The following MFAP1 variants were observed in gnomAD, a reference collection of about 807,000 sequenced individuals.
MFAP1 encodes the protein microfibril associated protein 1, also known as microfibrillar-associated protein 1.
A neutral mutation model predicts 62.2 loss-of-function variants in MFAP1; 18 were observed. The observed-to-expected ratio is 0.29, with a 90% CI of 0.20 to 0.43. MFAP1 has a LOEUF of 0.43. MFAP1 is among the 20% of genes least tolerant of loss of function. The pLI is 1.00. For missense variants in MFAP1, 355 were observed against 559.7 expected (o/e 0.63, Z 3.69); for synonymous variants, 175 against 180.4 (o/e 0.97, Z 0.24).
Position 43,805,483 on chromosome 15 carries a change from TATCA to T in MFAP1, c.1048-22_1048-19del, listed in dbSNP as rs757735827. 8 of 1,591,534 alleles carry T rather than the reference TATCA, an allele frequency of 5.0e-6. No individual in the cohort carries two copies. Among genetic ancestry groups the T allele is most frequent in the Non-Finnish European group, 6.8e-6 (8 of 1,171,684 alleles). ...TCCTCATCCTGTATAAAAAAAATCTTATCAATCTTGTGGCTTTATTTCCTATATA... is the reference window on the plus strand; with the variant it reads ...TCCTCATCCTGTATAAAAAAAATCTTATCTTGTGGCTTTATTTCCTATATA... On this transcript the variant is annotated intron_variant, in intron 7 of 8. Coordinates refer to ENST00000267812, the MANE Select transcript of MFAP1 (RefSeq NM_005926.3).
intron 6 of MFAP1, 120 bp from the exon 7 acceptor site, chr15:43,810,034 G>T (rs2087389372): frequency 2.5e-6 from 3 of 1,200,180 alleles, no homozygotes; most frequent in Admixed American, 4.4e-5. Flanking sequence ...TCTAGTCATT[G>T]CCTATTAGGA....
chr15:43,813,701 G>A (rs2087417300), intron 4 of MFAP1, among the ~76,000 whole-genome samples: 3 of 151,656 alleles, frequency 2.0e-5, no homozygotes, highest in Admixed American at 2.0e-4. Context: ...TAGTAGAGAT[G>A]GGGTTTCACC....
Position 43,805,429 on chromosome 15 carries a change from C to T in MFAP1, c.1084G>A (p.Ala362Thr), listed in dbSNP as rs765387916. The T allele has an allele frequency of 5.6e-6, 9 of 1,613,614 alleles. No homozygotes were observed. The highest frequency in any genetic ancestry group is 1.3e-5 in the African/African-American group (1 of 74,970). ...DEEVYKRDFSAPTLEDHFNKT... is the reference protein window; with the variant it reads ...DEEVYKRDFSTPTLEDHFNKT... ...TTGAAATGATCCTCCAGGGTAGGAG[C>T]GCTGAAATCTCTCTTGTATACTTCT... The change falls in exon 8 of 9, where the codon GCT becomes ACT. Residue 362 changes from alanine (A) to threonine (T), a missense_variant. Coordinates refer to ENST00000267812, the MANE Select transcript of MFAP1 (RefSeq NM_005926.3).
At chr15:43,811,510 CTTTTTTTT>C (rs373931995) in intron 6 of MFAP1, among the ~76,000 whole-genome samples, 110 of 134,592 alleles carry the variant, frequency 8.2e-4, no homozygotes, top group African/African-American at 2.7e-3. Flanking sequence ...TTCTTTTTTT[CTTTTTTTT>C]TTTTTTCCAG....
intron 1 of MFAP1, 89 bp downstream of exon 1, chr15:43,824,402 G>T (rs1433081819): frequency 7.7e-7 from 1 of 1,300,810 alleles, no homozygotes; most frequent in African/African-American, 1.5e-5. Flanking sequence ...AGCTGGCGGG[G>T]TTGGAGTGGT....
intron 1 of MFAP1, among the ~76,000 whole-genome samples, chr15:43,822,995 C>T (rs1412056026): frequency 6.6e-6 from 1 of 151,362 alleles, no homozygotes; most frequent in East Asian, 2.0e-4. Flanking sequence ...CCTGCCACCA[C>T]ACCTGGCTAA....
At chr15:43,814,169 G>C (rs992767778) in intron 4 of MFAP1, among the ~76,000 whole-genome samples, 7 of 152,146 alleles carry the variant, frequency 4.6e-5, no homozygotes, top group African/African-American at 1.7e-4. Flanking sequence ...AGAACTGCTT[G>C]AAACCAGGAG....
intron 1 of MFAP1, 48 bp downstream of exon 1, chr15:43,824,443 G>A: frequency 2.5e-6 from 4 of 1,598,746 alleles, no homozygotes; most frequent in Non-Finnish European, 3.4e-6. Flanking sequence ...GGTTGCTGGG[G>A]CCGGAAGGGG....
intron 2 of MFAP1, among the ~76,000 whole-genome samples, chr15:43,816,233 T>C (rs2087432891): frequency 7.1e-6 from 1 of 141,352 alleles, no homozygotes; most frequent in African/African-American, 2.5e-5. Flanking sequence ...ATTTTATTTT[T>C]TTTTCTTTTT....
At chr15:43,816,693 T>G (rs1361560834) in intron 2 of MFAP1, among the ~76,000 whole-genome samples, 1 of 152,180 alleles carries the variant, frequency 6.6e-6, no homozygotes, top group African/African-American at 2.4e-5. Flanking sequence ...TTATGAACGG[T>G]GAAAGTTCAG....
chr15:43,807,332 C>G (rs1321620031), intron 7 of MFAP1, among the ~76,000 whole-genome samples: 2 of 136,076 alleles, frequency 1.5e-5, no homozygotes, highest in Non-Finnish European at 1.6e-5. Flanking sequence ...GCCTAGGTGA[C>G]AAAAAAAAAA....
At chr15:43,817,499 T>G (rs1475553030) in intron 1 of MFAP1, 51 bp from the exon 2 acceptor site, 2 of 1,589,622 alleles carry the variant, frequency 1.3e-6, no homozygotes, top group African/African-American at 1.3e-5. Flanking sequence ...TCAATGTGCT[T>G]CAACCCATCA....
In MFAP1 at chr15:43,814,557, C is replaced by T; in HGVS notation, c.561G>A (p.Glu187=). 2 of 1,614,160 alleles carry T rather than the reference C, an allele frequency of 1.2e-6. No homozygotes were observed. The highest frequency in any genetic ancestry group is 1.1e-5 in the South Asian group (1 of 91,082). ...CCATCTCATCTTCACTGTCTGTGTA[C>T]TCTTCATACTCAGACTCTGATTCTG... The part of the protein sequence containing the change: ...EESESESEYE[E]YTDSEDEMEP... Residue 187 remains glutamate, a synonymous_variant, in exon 4 of 9, where the codon GAG becomes GAA. Coordinates refer to ENST00000267812, the MANE Select transcript of MFAP1 (RefSeq NM_005926.3).
intron 8 of MFAP1, 23 bp downstream of exon 8, chr15:43,805,353 C>G: frequency 1.2e-6 from 2 of 1,606,952 alleles, no homozygotes; most frequent in South Asian, 2.2e-5. Context: ...TTTTCTCTGT[C>G]ATGTTATTAA....
At position 43,813,101 on chromosome 15, in the gene MFAP1, G is replaced by A; in HGVS notation, c.773C>T (p.Ser258Phe). The change falls in exon 6 of 9, where the codon TCC becomes TTC. Residue 258 changes from serine (S) to phenylalanine (F), a missense_variant. Coordinates refer to ENST00000267812, the MANE Select transcript of MFAP1 (RefSeq NM_005926.3). Reference sequence around the variant, plus strand: ...ATTGAGTGCATCCAATGCAGCCAGGGATCGCTTGTTCTCTTCCAGCTCTTT... The same window carrying A: ...ATTGAGTGCATCCAATGCAGCCAGGAATCGCTTGTTCTCTTCCAGCTCTTT... ...TKKELEENKR[S>F]LAALDALNTD... 1 of 1,614,164 alleles carries A rather than the reference G, an allele frequency of 6.2e-7. No homozygotes were observed. The highest frequency in any genetic ancestry group is 1.1e-5 in the South Asian group (1 of 91,082).
chr15:43,809,645 C>T, intron 7 of MFAP1, 110 bp downstream of exon 7: 1 of 1,331,786 alleles, frequency 7.5e-7, no homozygotes, highest in South Asian at 1.4e-5. Context: ...AGAAAGCTGA[C>T]CACTGGCAAG....
chr15:43,817,558 C>CAGAAGA, intron 1 of MFAP1, 110 bp from the exon 2 acceptor site: 9 of 1,087,876 alleles, frequency 8.3e-6, no homozygotes, highest in Non-Finnish European at 1.2e-5. Context: ...AGAGTCTAAG[C>CAGAAGA]AGAAGAAGAA....
intron 1 of MFAP1, among the ~76,000 whole-genome samples, chr15:43,823,183 G>A (rs370057623): frequency 2.7e-5 from 4 of 150,906 alleles, no homozygotes; most frequent in South Asian, 2.1e-4. Context: ...GGGTGGTCTC[G>A]CTATGTTGCC....
At chr15:43,805,785 TG>T (rs2087360545) in intron 7 of MFAP1, among the ~76,000 whole-genome samples, 2 of 152,132 alleles carry the variant, frequency 1.3e-5, no homozygotes, top group South Asian at 4.2e-4. Context: ...GCTAATTTTT[TG>T]TATTTTTAAT....
Sources: gnomAD v4.1 joint callset for allele counts (sites outside exome capture counted in the v4.1 genomes callset) on GRCh38, gnomAD v4.1.1 for gene constraint, MANE v1.5 for transcripts, NCBI Gene and HGNC (gene_info 2026-07-23, HGNC 2026-07-21) for gene names.